Variants in CDH23 observed in about 807,000 individuals in gnomAD.
CDH23 encodes the protein cadherin-23.
Under a neutral mutation model 317.1 loss-of-function variants are expected in CDH23, and 189 were observed. That is an observed-to-expected ratio of 0.60 (90% CI 0.53 to 0.67). The LOEUF (loss-of-function observed/expected upper bound fraction) is 0.67. Ranked by LOEUF, CDH23 falls within the 30% of genes least tolerant of loss-of-function variation. The pLI, the probability that CDH23 is intolerant of heterozygous loss-of-function variation, is 0.00. For synonymous variants in CDH23, 1,839 were observed against 1,876.8 expected (o/e 0.98, Z 0.52); for missense variants, 4,401 against 4,592.4 (o/e 0.96, Z 1.20).
Position 71,446,678 on chromosome 10 carries a change from T to C in CDH23, c.145+283T>C, listed in dbSNP as rs536563942. On this transcript the variant is annotated intron_variant, in intron 3 of 69. Coordinates refer to ENST00000224721, the MANE Select transcript of CDH23 (RefSeq NM_022124.6). Reference sequence around the variant, plus strand: ...CTTGCACTTGAAGGCCTTGTGAATATTTGAAGATGGCAGCTGTTGTAGACT... The same window carrying C: ...CTTGCACTTGAAGGCCTTGTGAATACTTGAAGATGGCAGCTGTTGTAGACT... Among the ~76,000 whole-genome samples, 4 of 152,368 alleles carry C rather than the reference T, an allele frequency of 2.6e-5. No homozygotes were observed. The East Asian group carries it at 7.7e-4, about 29-fold the overall frequency.
chr10:71,761,968 C>T (rs1179453890), intron 38 of CDH23: 3 of 1,613,642 alleles, frequency 1.9e-6, no homozygotes, highest in East Asian at 4.5e-5. Flanking sequence ...TGACGTTCTG[C>T]CCCTCGGGAC....
chr10:71,431,279 C>A (rs891175988), intron 1 of CDH23, among the ~76,000 whole-genome samples: 2 of 152,228 alleles, frequency 1.3e-5, no homozygotes, highest in Admixed American at 1.3e-4. Flanking sequence ...TGTGGCTCCC[C>A]ACCCTGGGGG....
At chr10:71,488,868 C>T (rs1262717169) in intron 3 of CDH23, among the ~76,000 whole-genome samples, 1 of 152,178 alleles carries the variant, frequency 6.6e-6, no homozygotes, top group Non-Finnish European at 1.5e-5. Context: ...TTCTAGGTTG[C>T]CATTTACTTT....
intron 6 of CDH23, among the ~76,000 whole-genome samples, chr10:71,514,859 G>A (rs1854194839): frequency 6.6e-6 from 1 of 152,234 alleles, no homozygotes; most frequent in Non-Finnish European, 1.5e-5. Context: ...GCTAATGGCT[G>A]TCATGCTGAC....
At chr10:71,427,930 C>T (rs1849181078) in intron 1 of CDH23, among the ~76,000 whole-genome samples, 1 of 151,874 alleles carries the variant, frequency 6.6e-6, no homozygotes, top group Non-Finnish European at 1.5e-5. Flanking sequence ...CCAGGCTGGT[C>T]TCAAACTCCT....
intron 60 of CDH23, 92 bp downstream of exon 60, chr10:71,808,099 C>G: frequency 6.8e-7 from 1 of 1,470,702 alleles, no homozygotes; most frequent in Non-Finnish European, 9.2e-7. Context: ...TCTGTGGGAG[C>G]ACCACAGGAT....
chr10:71,455,439 T>C (rs1850645665), intron 3 of CDH23, among the ~76,000 whole-genome samples: 1 of 152,118 alleles, frequency 6.6e-6, no homozygotes, highest in South Asian at 2.1e-4. Flanking sequence ...TGCCCAGAAG[T>C]CTAGGATAGA....
At chr10:71,591,164 AGAG>A (rs1859469045) in intron 9 of CDH23, among the ~76,000 whole-genome samples, 2 of 152,166 alleles carry the variant, frequency 1.3e-5, no homozygotes, top group African/African-American at 2.4e-5. Flanking sequence ...GGGGGAGATC[AGAG>A]GAGGCCGAGA....
chr10:71,452,137 T>C (rs1017838572), intron 3 of CDH23, among the ~76,000 whole-genome samples: 9 of 152,106 alleles, frequency 5.9e-5, no homozygotes, highest in Non-Finnish European at 8.8e-5. Flanking sequence ...ATGTAGAATA[T>C]TTGCCGGGGA....
chr10:71,811,333 T>C lies in CDH23; in HGVS notation c.9096T>C (p.Asp3032=), dbSNP rs371570471. 8.7e-6 allele frequency: 14 copies of C among 1,613,572 alleles called. No individual in the cohort carries two copies. Among genetic ancestry groups the C allele is most frequent in the African/African-American group, 1.3e-5 (1 of 74,834 alleles). ...LDVDRVIQMI[D]ENKEQLRNLF... The stretch of plus-strand genomic sequence containing the variant: ...CGCCCAGGGTGATCCAGATGATCGA[T>C]GAGAACAAGGAGCAGCTACGGAATC... The change falls in exon 63 of 70, where the codon GAT becomes GAC. Residue 3032 remains aspartate (D), a synonymous_variant. Transcript: ENST00000224721.
chr10:71,649,385 G>A (rs1193493904), intron 14 of CDH23, among the ~76,000 whole-genome samples: 1 of 152,236 alleles, frequency 6.6e-6, no homozygotes, highest in Non-Finnish European at 1.5e-5. Context: ...GTTTTAATAT[G>A]CAATGAAGGC....
At chr10:71,671,470 A>C (rs1271286337) in intron 14 of CDH23, among the ~76,000 whole-genome samples, 3 of 151,994 alleles carry the variant, frequency 2.0e-5, no homozygotes, top group Non-Finnish European at 4.4e-5. Flanking sequence ...GGCCCTTGGC[A>C]CTCCTCGAAC....
chr10:71,737,901 A>T (rs1839612643), intron 34 of CDH23: 2 of 438,030 alleles, frequency 4.6e-6, no homozygotes, highest in Non-Finnish European at 9.3e-6. Flanking sequence ...AGAAATTCAC[A>T]TGCCTTCCCC....
rs56124966 is a variant in CDH23, at chr10:71,500,759, GTTTTCTTTTCTTTTCTTTTCTTTTC to G, written c.146-9286_146-9262del. Among the ~76,000 whole-genome samples the G allele has an allele frequency of 8.2e-4, 111 of 134,614 alleles. 1 individual carries two copies. The South Asian group carries it at 0.018, about 22-fold the overall frequency. 88.3% of individuals were successfully genotyped at this position (134,614 alleles called of 152,430 possible). ...TAGGTCACTTTACCCCTCTGAGCCT[GTTTTCTTTTCTTTTCTTTTCTTTTC>G]TTTTCTTTTCTTTTCTTTTCTTTTC... On this transcript the variant is annotated intron_variant, in intron 3 of 69. Coordinates refer to ENST00000224721, the MANE Select transcript of CDH23 (RefSeq NM_022124.6).
At chr10:71,406,173 G>A (rs1848089221) in intron 1 of CDH23, among the ~76,000 whole-genome samples, 1 of 152,112 alleles carries the variant, frequency 6.6e-6, no homozygotes, top group Non-Finnish European at 1.5e-5. Flanking sequence ...TGCTCTTTCT[G>A]TGAGAAGGAT....
intron 6 of CDH23, among the ~76,000 whole-genome samples, chr10:71,545,426 C>T (rs1197297232): frequency 6.6e-6 from 1 of 152,194 alleles, no homozygotes; most frequent in East Asian, 1.9e-4. Flanking sequence ...ATGAGCCTGC[C>T]CTGTGTCCCC....
chr10:71,488,671 A>G (rs2132133682), intron 3 of CDH23, among the ~76,000 whole-genome samples: 1 of 152,370 alleles, frequency 6.6e-6, no homozygotes, highest in East Asian at 1.9e-4. Flanking sequence ...GGCAACAATC[A>G]GTGGGAACTG....
chr10:71,807,596 G>A lies in CDH23; in HGVS notation c.8389G>A (p.Ala2797Thr), dbSNP rs140949515. 6.2e-7 allele frequency: 1 copy of A among 1,614,008 alleles called. No individual in the cohort carries two copies. The highest frequency in any genetic ancestry group is 1.3e-5 in the African/African-American group (1 of 75,064). Residue 2797 changes from alanine (A) to threonine (T), a missense_variant, in exon 59 of 70, where the codon GCC (alanine) becomes ACC (threonine). Transcript: ENST00000224721. ...GCGGGACCTGGACCGGGAGCGAGAAGCCATCTTCTCCTTCATCGTCAAGGC... is the reference window on the plus strand; with the variant it reads ...GCGGGACCTGGACCGGGAGCGAGAAACCATCTTCTCCTTCATCGTCAAGGC... The part of the protein sequence containing the change: ...VLRDLDRERE[A>T]IFSFIVKASS...
At position 71,732,261 on chromosome 10, in the gene CDH23, T is replaced by A; in HGVS notation, c.3990T>A (p.Thr1330=). The A allele has an allele frequency of 6.2e-7, 1 of 1,613,740 alleles. No homozygotes were observed. Among genetic ancestry groups the A allele is most frequent in the Non-Finnish European group, 8.5e-7 (1 of 1,179,756 alleles). Residue 1330 remains threonine (T), a synonymous_variant, in exon 32 of 70, where the codon ACT becomes ACA. Transcript: ENST00000224721. ...AAILENLALG[T]EIVRVQAYSI... The stretch of plus-strand genomic sequence containing the variant: ...TCCTGGAGAATCTGGCACTGGGTAC[T>A]GAGATTGTGCGGGTCCAGGCCTACT...
Sources: allele counts gnomAD v4.1 joint callset (sites outside exome capture counted in the v4.1 genomes callset), GRCh38; gene constraint gnomAD v4.1.1; transcripts MANE v1.5; gene names NCBI Gene and HGNC (gene_info 2026-07-23, HGNC 2026-07-21).